Variants in PTPRJ observed in about 807,000 individuals in gnomAD.
PTPRJ encodes protein tyrosine phosphatase receptor type J.
A neutral mutation model predicts 141.3 loss-of-function variants in PTPRJ; 129 were observed. The ratio of observed to expected loss-of-function variants is 0.91; its 90% confidence interval spans 0.79 to 1.06. The LOEUF is 1.06. Ranked by LOEUF, PTPRJ falls within the 50% of genes least tolerant of loss-of-function variation. The pLI is 0.00. For synonymous variants in PTPRJ, 610 were observed against 640.5 expected (o/e 0.95, Z 0.72); for missense variants, 1,601 against 1,679.7 (o/e 0.95, Z 0.82).
At chr11:48,000,641 C>T (rs1184243273) in intron 1 of PTPRJ, among the ~76,000 whole-genome samples, 1 of 152,098 alleles carries the variant, frequency 6.6e-6, no homozygotes, top group African/African-American at 2.4e-5. Flanking sequence ...CTACAGTCAC[C>T]TGGCTCTAGT....
chr11:48,072,727 C>T (rs1355506822), intron 1 of PTPRJ, among the ~76,000 whole-genome samples: 1 of 152,064 alleles, frequency 6.6e-6, no homozygotes, highest in Non-Finnish European at 1.5e-5. Context: ...TCTTTTTGAT[C>T]TGTGTTTCTG....
chr11:47,996,301 C>T (rs976575491), intron 1 of PTPRJ, among the ~76,000 whole-genome samples: 2 of 147,508 alleles, frequency 1.4e-5, no homozygotes, highest in Admixed American at 6.8e-5. Context: ...CACCACTGCA[C>T]TCCAGCCTGG....
At chr11:48,001,073 A>T (rs1335110306) in intron 1 of PTPRJ, among the ~76,000 whole-genome samples, 1 of 148,390 alleles carries the variant, frequency 6.7e-6, no homozygotes, top group Non-Finnish European at 1.5e-5. Flanking sequence ...GGTTTACTGC[A>T]ACCTCTGCCT....
chr11:48,131,053 T>TAC (rs60564423), intron 8 of PTPRJ, among the ~76,000 whole-genome samples: 2 of 75,726 alleles, frequency 2.6e-5, no homozygotes, highest in Non-Finnish European at 4.8e-5. Context: ...CACACACACA[T>TAC]ATATATATAT....
At chr11:48,059,254 CT>C (rs780522211) in intron 1 of PTPRJ, among the ~76,000 whole-genome samples, 9 of 151,702 alleles carry the variant, frequency 5.9e-5, no homozygotes, top group Non-Finnish European at 1.0e-4. Context: ...TCCCGAGTAG[CT>C]AGAACACAGG....
At chr11:47,990,922 G>T (rs536804789) in intron 1 of PTPRJ, among the ~76,000 whole-genome samples, 1 of 151,778 alleles carries the variant, frequency 6.6e-6, no homozygotes, top group Admixed American at 6.6e-5. Flanking sequence ...CTCATGATCC[G>T]CCCGCCTCAG....
At chr11:48,041,891 G>T (rs541813384) in intron 1 of PTPRJ, among the ~76,000 whole-genome samples, 2 of 149,762 alleles carry the variant, frequency 1.3e-5, no homozygotes, top group African/African-American at 2.5e-5. Flanking sequence ...GGGATTACAG[G>T]TATGAGCTAC....
chr11:48,119,891 C>T (rs1856662017), intron 3 of PTPRJ, among the ~76,000 whole-genome samples: 1 of 152,156 alleles, frequency 6.6e-6, no homozygotes, highest in Non-Finnish European at 1.5e-5. Flanking sequence ...GGTTGTTACT[C>T]CTCAGTCTTC....
chr11:48,020,116 G>A (rs1855074122), intron 1 of PTPRJ, among the ~76,000 whole-genome samples: 1 of 152,146 alleles, frequency 6.6e-6, no homozygotes, highest in Non-Finnish European at 1.5e-5. Context: ...TCCTGGCGAG[G>A]CTGTAATTTA....
chr11:48,025,349 A>G (rs956804564), intron 1 of PTPRJ, among the ~76,000 whole-genome samples: 5 of 152,122 alleles, frequency 3.3e-5, no homozygotes, highest in Non-Finnish European at 7.3e-5. Context: ...GCCCCAGAAA[A>G]CCCAGGTTAA....
intron 1 of PTPRJ, among the ~76,000 whole-genome samples, chr11:48,056,407 G>A (rs1370087278): frequency 1.3e-5 from 2 of 152,136 alleles, no homozygotes; most frequent in Non-Finnish European, 2.9e-5. Context: ...TCAGATTGTT[G>A]TAAGGTTTCA....
At chr11:48,030,461 T>C (rs1029314558) in intron 1 of PTPRJ, among the ~76,000 whole-genome samples, 2 of 152,180 alleles carry the variant, frequency 1.3e-5, no homozygotes, top group East Asian at 1.9e-4. Context: ...CTGAGTCATA[T>C]GTTGGCAGAA....
chr11:48,144,547 C>A, intron 12 of PTPRJ, 128 bp from the exon 13 acceptor site: 1 of 733,688 alleles, frequency 1.4e-6, no homozygotes, highest in Non-Finnish European at 2.3e-6. Context: ...TCAAACCTGG[C>A]ACAGAGAGAT....
chr11:48,052,867 C>T (rs1284505050), intron 1 of PTPRJ, among the ~76,000 whole-genome samples: 2 of 151,616 alleles, frequency 1.3e-5, no homozygotes, highest in Non-Finnish European at 2.9e-5. Flanking sequence ...GCTGTGCCCT[C>T]TCCACCACCT....
chr11:48,033,179 G>A (rs560921483), intron 1 of PTPRJ, among the ~76,000 whole-genome samples: 1 of 152,144 alleles, frequency 6.6e-6, no homozygotes, highest in Admixed American at 6.5e-5. Flanking sequence ...CCCTCCTGGT[G>A]GGGGGCCATA....
chr11:48,000,185 G>A (rs1854457305), intron 1 of PTPRJ, among the ~76,000 whole-genome samples: 2 of 148,804 alleles, frequency 1.3e-5, no homozygotes, highest in Non-Finnish European at 3.0e-5. Flanking sequence ...CTGTTGCCCA[G>A]GCTGGAGTGC....
At chr11:48,117,291 A>G (rs897549664) in intron 3 of PTPRJ, among the ~76,000 whole-genome samples, 3 of 152,146 alleles carry the variant, frequency 2.0e-5, no homozygotes, top group Admixed American at 1.3e-4. Flanking sequence ...CTGTAATCCC[A>G]GAACTTTGGG....
chr11:48,008,948 G>A (rs1854699770), intron 1 of PTPRJ, among the ~76,000 whole-genome samples: 1 of 152,190 alleles, frequency 6.6e-6, no homozygotes, highest in Non-Finnish European at 1.5e-5. Context: ...CTGGGGGGTG[G>A]GTTGGGAAAG....
In PTPRJ at chr11:48,128,033, A is replaced by G. The variant is rs138926177; in HGVS notation, c.1347A>G (p.Gln449=). 100 of 1,612,600 alleles carry G rather than the reference A, an allele frequency of 6.2e-5. No homozygotes were observed. The highest frequency in any genetic ancestry group is 7.9e-5 in the Non-Finnish European group (93 of 1,178,874). The change falls in exon 7 of 25, where the codon CAA becomes CAG. Residue 449 remains glutamine, a synonymous_variant. Transcript: ENST00000418331. The part of the protein sequence containing the change: ...GDIEGTPGFL[Q]VHTPPVPVSD... ...TCGAGGGCACGCCGGGCTTCCTCCA[A>G]GTGCACACCCGTGAGTTCATGCCTG...
Sources: allele counts gnomAD v4.1 joint callset (sites outside exome capture counted in the v4.1 genomes callset), GRCh38; gene constraint gnomAD v4.1.1; transcripts MANE v1.5; gene names NCBI Gene and HGNC (gene_info 2026-07-23, HGNC 2026-07-21).